CCDC73: variants seen among roughly 807,000 people sequenced by gnomAD.
CCDC73 encodes coiled-coil domain containing 73.
A neutral mutation model predicts 116.5 loss-of-function variants in CCDC73; 95 were observed. That is an observed-to-expected ratio of 0.82 (90% CI 0.69 to 0.97). The LOEUF (loss-of-function observed/expected upper bound fraction) is 0.97, where lower values mean the gene tolerates loss of function less well. Ranked by LOEUF, CCDC73 falls within the 50% of genes least tolerant of loss-of-function variation. The pLI, the probability that CCDC73 is intolerant of heterozygous loss-of-function variation, is 0.00. For synonymous variants in CCDC73, 398 were observed against 401.3 expected, an observed-to-expected ratio of 0.99 and a Z score of 0.10; for missense variants, 1,066 against 1,206.8, an observed-to-expected ratio of 0.88 and a Z score of 1.73.
chr11:32,721,069 G>T (rs1046598206), intron 2 of CCDC73, among the ~76,000 whole-genome samples: 1 of 152,076 alleles, frequency 6.6e-6, no homozygotes, highest in Non-Finnish European at 1.5e-5. Flanking sequence ...CCCAGATCCA[G>T]CCTGGAGTGC....
intron 3 of CCDC73, among the ~76,000 whole-genome samples, chr11:32,712,552 C>T (rs988340206): frequency 1.5e-5 from 2 of 134,414 alleles, no homozygotes; most frequent in African/African-American, 5.6e-5. Flanking sequence ...ATTTATTTTT[C>T]AATTAAAATA....
chr11:32,659,294 T>A (rs1166823275), intron 9 of CCDC73, among the ~76,000 whole-genome samples: 9 of 152,180 alleles, frequency 5.9e-5, no homozygotes, highest in East Asian at 1.9e-4. Flanking sequence ...GAAGTTACAA[T>A]AAGTCACAAA....
the CCDC73 span, among the ~76,000 whole-genome samples, chr11:32,813,278 T>C: frequency 6.6e-6 from 1 of 152,208 alleles, no homozygotes; most frequent in Non-Finnish European, 1.5e-5. Context: ...TTCTCGTATA[T>C]TTGTTTCTAA....
intron 2 of CCDC73, among the ~76,000 whole-genome samples, chr11:32,744,642 G>GTC (rs1850218501): frequency 1.3e-5 from 2 of 152,150 alleles, no homozygotes; most frequent in South Asian, 4.1e-4. Flanking sequence ...TTGGAAGGGT[G>GTC]TATGTGTCCA....
chr11:32,635,642 T>C (rs1855670275), intron 14 of CCDC73, 54 bp downstream of exon 14: 11 of 1,218,620 alleles, frequency 9.0e-6, no homozygotes, highest in Admixed American at 3.4e-5. Flanking sequence ...AAAATCATAG[T>C]GACAGTCTTA....
intron 9 of CCDC73, among the ~76,000 whole-genome samples, chr11:32,667,968 T>A (rs989585709): frequency 1.3e-5 from 2 of 152,206 alleles, no homozygotes; most frequent in African/African-American, 4.8e-5. Context: ...CAATCTTGGC[T>A]CTCTTTTCCT....
At chr11:32,755,770 T>C (rs1479923941) in intron 2 of CCDC73, among the ~76,000 whole-genome samples, 3 of 116,894 alleles carry the variant, frequency 2.6e-5, no homozygotes. Context: ...TCTCCATATA[T>C]ATGTGTATAT....
intron 12 of CCDC73, among the ~76,000 whole-genome samples, chr11:32,642,981 A>G (rs2133251342): frequency 6.6e-6 from 1 of 151,816 alleles, no homozygotes; most frequent in South Asian, 2.1e-4. Flanking sequence ...AAAAGTACGT[A>G]AAATATATAT....
intron 3 of CCDC73, among the ~76,000 whole-genome samples, chr11:32,709,193 G>T (rs887216650): frequency 1.3e-5 from 2 of 152,204 alleles, no homozygotes; most frequent in Non-Finnish European, 2.9e-5. Context: ...CTGTTTACAT[G>T]ATATATGACA....
intron 14 of CCDC73, among the ~76,000 whole-genome samples, chr11:32,626,178 C>A (rs1376013931): frequency 6.6e-6 from 1 of 152,076 alleles, no homozygotes; most frequent in Non-Finnish European, 1.5e-5. Context: ...CATTCTTATA[C>A]ACCAATAACA....
the CCDC73 span, chr11:32,829,804 T>C: frequency 4.1e-6 from 4 of 985,188 alleles, no homozygotes; most frequent in Non-Finnish European, 4.8e-6. Flanking sequence ...CTGGGGCGGC[T>C]GAGAGCGCAG....
chr11:32,636,370 G>C (rs1292987541), intron 13 of CCDC73, among the ~76,000 whole-genome samples: 2 of 151,892 alleles, frequency 1.3e-5, no homozygotes, highest in East Asian at 3.9e-4. Context: ...TAAGCACTAA[G>C]TGGTACCACA....
chr11:32,695,692 A>C (rs1452738723), intron 6 of CCDC73, among the ~76,000 whole-genome samples: 2 of 141,416 alleles, frequency 1.4e-5, no homozygotes, highest in Admixed American at 1.5e-4. Context: ...GTGATTATTA[A>C]CTATAAGTGT....
At chr11:32,726,018 C>CT (rs1299832878) in intron 2 of CCDC73, among the ~76,000 whole-genome samples, 4 of 152,180 alleles carry the variant, frequency 2.6e-5, no homozygotes, top group African/African-American at 4.8e-5. Context: ...ACGAAAACAG[C>CT]TTCCAGGCAG....
At chr11:32,658,674 C>T (rs998154708) in intron 9 of CCDC73, among the ~76,000 whole-genome samples, 1 of 152,078 alleles carries the variant, frequency 6.6e-6, no homozygotes, top group African/African-American at 2.4e-5. Context: ...TGAATAAAAA[C>T]TTGAGAAAAG....
chr11:32,665,046 T>C (rs536339942), intron 9 of CCDC73, among the ~76,000 whole-genome samples: 121 of 152,350 alleles, frequency 7.9e-4, no homozygotes, highest in African/African-American at 2.7e-3. Flanking sequence ...TTTCTGTTCT[T>C]CTACATTTGC....
intron 13 of CCDC73, among the ~76,000 whole-genome samples, chr11:32,639,163 C>CA (rs1554962352): frequency 6.7e-6 from 1 of 149,790 alleles, no homozygotes; most frequent in African/African-American, 2.5e-5. Context: ...ACACCCCCCC[C>CA]AAAAAATCCT....
At chr11:32,809,598 T>C in the CCDC73 span, among the ~76,000 whole-genome samples, 1 of 152,296 alleles carries the variant, frequency 6.6e-6, no homozygotes, top group African/African-American at 2.4e-5. Context: ...TCCCCGCTCT[T>C]TGGTTTCAGT....
chr11:32,613,385 A>G lies in CCDC73; in HGVS notation c.2896+37T>C, dbSNP rs140972550. On this transcript the variant is annotated intron_variant, in intron 16 of 17. Coordinates refer to ENST00000335185, the MANE Select transcript of CCDC73 (RefSeq NM_001008391.4). ...ACATTTATCAAGAATAAGTAGAAAA[A>G]TATTTTGAGAATTAAAACATTACTT... 4,925 of 1,510,836 alleles carry G rather than the reference A, an allele frequency of 3.3e-3. 5 individuals carry two copies. The highest frequency in any genetic ancestry group is 4.1e-3 in the South Asian group (322 of 79,402). 93.6% of individuals were successfully genotyped at this position (1,510,836 alleles called of 1,614,324 possible).
Sources: gnomAD v4.1 joint callset for allele counts (sites outside exome capture counted in the v4.1 genomes callset) on GRCh38, gnomAD v4.1.1 for gene constraint, MANE v1.5 for transcripts, NCBI Gene and HGNC (gene_info 2026-07-23, HGNC 2026-07-21) for gene names.